PREX2: variants seen among roughly 807,000 people sequenced by gnomAD.
The protein encoded by PREX2 is phosphatidylinositol-3,4,5-trisphosphate dependent Rac exchange factor 2.
In PREX2, 107 loss-of-function variants were observed where a neutral mutation model predicts 203.2. The ratio of observed to expected loss-of-function variants is 0.53; its 90% CI spans 0.45 to 0.62. The LOEUF (loss-of-function observed/expected upper bound fraction) is 0.62. Among genes scored for constraint, PREX2 ranks in the 20% least tolerant of loss-of-function variants. The probability of loss-of-function intolerance (pLI) is 0.00; values close to 1 mark genes in which losing one functional copy is unlikely to be tolerated. For missense variants in PREX2, 1,777 were observed against 1,955.9 expected (o/e 0.91, Z 1.72); for synonymous variants, 672 against 663.6 (o/e 1.01, Z -0.19).
At chr8:68,012,242 G>A (rs566342460) in intron 1 of PREX2, among the ~76,000 whole-genome samples, 1 of 152,044 alleles carries the variant, frequency 6.6e-6, no homozygotes, top group African/African-American at 2.4e-5. Flanking sequence ...GGTAATTATC[G>A]TCACATCTTG....
At chr8:68,108,614 A>G (rs1810467535) in intron 24 of PREX2, among the ~76,000 whole-genome samples, 1 of 152,190 alleles carries the variant, frequency 6.6e-6, no homozygotes, top group African/African-American at 2.4e-5. Flanking sequence ...AAAGCTGCTG[A>G]TCTGAAATGG....
chr8:68,055,975 G>A lies in PREX2; in HGVS notation c.1238+1G>A, dbSNP rs1272428567. On this transcript the variant is annotated splice_donor_variant, in intron 10 of 39. Transcript: ENST00000288368. LOFTEE classifies it high-confidence loss of function. The stretch of plus-strand genomic sequence containing the variant: ...CGTTCCCTAAATGCTTTCTTGGAAG[G>A]TAGGGTTGGGAGTTTGGGTGCATGA... The A allele has an allele frequency of 6.2e-7, 1 of 1,609,362 alleles. No individual in the cohort carries two copies. The highest frequency in any genetic ancestry group is 8.5e-7 in the Non-Finnish European group (1 of 1,178,608).
chr8:68,008,414 G>A (rs996979043), intron 1 of PREX2, among the ~76,000 whole-genome samples: 1 of 142,354 alleles, frequency 7.0e-6, no homozygotes, highest in Non-Finnish European at 1.5e-5. Context: ...GAATGAAGAG[G>A]GTAAAGACAA....
rs1185503157 is a variant in PREX2 at position 68,234,563 on chromosome 8, A to G, written c.*3185A>G. ...AAAGTATGAAAAATTTGAGAAGATT[A>G]GAATTTTACATGTATTTCCATTCCT... is the stretch of plus-strand genomic sequence containing the variant. On this transcript the variant is annotated 3_prime_UTR_variant, in exon 40 of 40. Coordinates refer to ENST00000288368, the MANE Select transcript of PREX2 (RefSeq NM_024870.4). The G allele has an allele frequency of 6.6e-6, 1 of 152,242 alleles. No individual in the cohort carries two copies. Among genetic ancestry groups the G allele is most frequent in the East Asian group, 1.9e-4 (1 of 5,206 alleles). 9.4% of individuals were successfully genotyped at this position (152,242 alleles called of 1,614,324 possible). A position where few individuals can be genotyped will look rare whatever the true frequency, so the allele number is the denominator to read the frequency against.
At chr8:68,201,485 G>C (rs1435203496) in intron 37 of PREX2, among the ~76,000 whole-genome samples, 1 of 152,186 alleles carries the variant, frequency 6.6e-6, no homozygotes, top group Non-Finnish European at 1.5e-5. Context: ...AGAACTTGGA[G>C]TCCAATGTTT....
chr8:68,031,763 G>C (rs924212351), intron 6 of PREX2, among the ~76,000 whole-genome samples: 1 of 152,140 alleles, frequency 6.6e-6, no homozygotes, highest in African/African-American at 2.4e-5. Context: ...GTTGATTCAT[G>C]ATGATAATTT....
chr8:68,081,842 A>G (rs4009130), intron 17 of PREX2, among the ~76,000 whole-genome samples: 79,844 of 149,346 alleles, frequency 0.53, 21,275 homozygotes, highest in Middle Eastern at 0.56. Flanking sequence ...TTACAGGCCC[A>G]TGCCACCAGG....
In PREX2 at chr8:68,080,528, T is replaced by C; in HGVS notation, c.1728T>C (p.His576=). 1 of 1,611,450 alleles carries C rather than the reference T, an allele frequency of 6.2e-7. No individual in the cohort carries two copies. The highest frequency in any genetic ancestry group is 8.5e-7 in the Non-Finnish European group (1 of 1,177,866). Residue 576 remains histidine, a synonymous_variant, in exon 16 of 40, where the codon CAT becomes CAC. Coordinates refer to ENST00000288368, the MANE Select transcript of PREX2 (RefSeq NM_024870.4). The stretch of plus-strand genomic sequence containing the variant: ...AAATGGAGGGATCAAATATGAAACA[T>C]CGACTTATGAAACATGACTTAAAAG... ...DEEMEGSNMK[H]RLMKHDLKVV...
chr8:67,959,257 G>T (rs7815746), intron 1 of PREX2, among the ~76,000 whole-genome samples: 20,776 of 152,060 alleles, frequency 0.14, 1,874 homozygotes, highest in African/African-American at 0.26. Context: ...GGGAAGTGGG[G>T]TGTGTGAAGA....
intron 37 of PREX2, among the ~76,000 whole-genome samples, chr8:68,196,692 T>A (rs1008917796): frequency 6.6e-6 from 1 of 151,054 alleles, no homozygotes; most frequent in African/African-American, 2.4e-5. Context: ...CCAGTTTTCA[T>A]GAGATCTGCT....
intron 37 of PREX2, among the ~76,000 whole-genome samples, chr8:68,215,360 G>A (rs1309591316): frequency 6.6e-6 from 1 of 152,126 alleles, no homozygotes; most frequent in Non-Finnish European, 1.5e-5. Context: ...ATTAGAAACA[G>A]ATAAAGATTT....
At chr8:68,089,792 T>G (rs1809812910) in intron 19 of PREX2, among the ~76,000 whole-genome samples, 1 of 152,232 alleles carries the variant, frequency 6.6e-6, no homozygotes, top group Non-Finnish European at 1.5e-5. Context: ...TCTAATATAT[T>G]TACAAGTTTA....
chr8:68,066,304 T>C (rs941867111), intron 11 of PREX2, among the ~76,000 whole-genome samples: 1 of 152,122 alleles, frequency 6.6e-6, no homozygotes, highest in African/African-American at 2.4e-5. Context: ...TTTCATACTG[T>C]TTTCCAAAAT....
chr8:68,117,847 G>A (rs761812370), intron 26 of PREX2, among the ~76,000 whole-genome samples: 3 of 152,088 alleles, frequency 2.0e-5, no homozygotes, highest in Admixed American at 6.5e-5. Context: ...TAACCAATAA[G>A]TTATGATTTA....
At chr8:68,078,470 A>T (rs1204583389) in intron 15 of PREX2, among the ~76,000 whole-genome samples, 3 of 152,152 alleles carry the variant, frequency 2.0e-5, no homozygotes, top group Non-Finnish European at 1.5e-5. Flanking sequence ...GCCTCTTTTT[A>T]ATTATTAATA....
At chr8:68,043,083 ATACCTGCATATTAGT>A (rs1316307412) in intron 7 of PREX2, among the ~76,000 whole-genome samples, 5 of 152,156 alleles carry the variant, frequency 3.3e-5, no homozygotes, top group African/African-American at 9.7e-5. Flanking sequence ...GCTGGAAATA[ATACCTGCATATTAGT>A]TACCTGCATA....
chr8:68,224,649 C>G, intron 39 of PREX2, 23 bp downstream of exon 39: 2 of 1,591,438 alleles, frequency 1.3e-6, no homozygotes, highest in South Asian at 2.2e-5. Flanking sequence ...CCTGCTCTGC[C>G]CTTGCCCGAA....
chr8:68,126,789 C>T (rs1024769905), intron 30 of PREX2, among the ~76,000 whole-genome samples: 3 of 151,956 alleles, frequency 2.0e-5, no homozygotes, highest in Non-Finnish European at 4.4e-5. Context: ...AATTCATACA[C>T]ATTTATCAAA....
Position 68,028,180 on chromosome 8 carries a change from A to G in PREX2, c.543+857A>G, listed in dbSNP as rs575595122. 5.9e-5 allele frequency among the ~76,000 whole-genome samples: 9 copies of G among 152,026 alleles called. No homozygotes were observed. The South Asian group carries it at 1.5e-3, about 25-fold the overall frequency. On this transcript the variant is annotated intron_variant, in intron 5 of 39. Coordinates refer to ENST00000288368, the MANE Select transcript of PREX2 (RefSeq NM_024870.4). The stretch of plus-strand genomic sequence containing the variant: ...GATGATGAATTTATAGCACAGACCT[A>G]TGGGAATGTGTGTATGTATGTATGC...
Sources: gnomAD v4.1 joint callset for allele counts (sites outside exome capture counted in the v4.1 genomes callset) on GRCh38, gnomAD v4.1.1 for gene constraint, MANE v1.5 for transcripts, NCBI Gene and HGNC (gene_info 2026-07-23, HGNC 2026-07-21) for gene names.